SH3BP5: variants seen among roughly 807,000 people sequenced by gnomAD.
SH3BP5 encodes the protein SH3 domain-binding protein 5.
SH3BP5 carries 22 observed loss-of-function variants against 43.3 expected under a neutral mutation model. The ratio of observed to expected loss-of-function variants is 0.51; its 90% confidence interval spans 0.36 to 0.73. SH3BP5 has a LOEUF of 0.73. SH3BP5 is among the 30% of genes least tolerant of loss of function. SH3BP5 has a pLI of 0.00. For missense variants in SH3BP5, 529 were observed against 586.9 expected, an observed-to-expected ratio of 0.90 and a Z score of 1.02; for synonymous variants, 255 against 225.8, an observed-to-expected ratio of 1.13 and a Z score of -1.16.
chr3:15,259,555 A>G (rs1171002965), intron 6 of SH3BP5: 1 of 660,384 alleles, frequency 1.5e-6, no homozygotes, highest in Non-Finnish European at 2.7e-6. Context: ...AGTACAACAG[A>G]GAAGGTGACT....
intron 3 of SH3BP5, among the ~76,000 whole-genome samples, chr3:15,297,935 T>C (rs1012382029): frequency 1.3e-5 from 2 of 152,042 alleles, no homozygotes; most frequent in Non-Finnish European, 2.9e-5. Context: ...GTGGTTGGCT[T>C]CATAGCAAAA....
intron 3 of SH3BP5, among the ~76,000 whole-genome samples, chr3:15,286,841 G>A (rs552134839): frequency 6.6e-5 from 10 of 152,304 alleles, no homozygotes; most frequent in African/African-American, 1.2e-4. Flanking sequence ...CCACCATGCC[G>A]GGCTGCAAGC....
rs202191488 is a variant in SH3BP5 at position 15,318,780 on chromosome 3, C to G, written c.201+11724G>C. ...AGAGATAGGGTTTCGCCATGTTAGCCAAGCTGGTCCCAAATTCGTAGCCTC... is the reference window on the plus strand; with the variant it reads ...AGAGATAGGGTTTCGCCATGTTAGCGAAGCTGGTCCCAAATTCGTAGCCTC... On this transcript the variant is annotated intron_variant, in intron 2 of 8. Transcript: ENST00000383791. 3.3e-5 allele frequency among the ~76,000 whole-genome samples: 5 copies of G among 152,298 alleles called. No homozygotes were observed. In the East Asian group the frequency reaches 9.6e-4, roughly 29 times the overall value.
intron 3 of SH3BP5, among the ~76,000 whole-genome samples, chr3:15,284,995 T>A (rs191435068): frequency 6.6e-6 from 1 of 152,306 alleles, no homozygotes; most frequent in Admixed American, 6.5e-5. Context: ...CCTTTATGCA[T>A]AGTACATAGG....
rs1575330105 is a variant in SH3BP5 at position 15,304,180 on chromosome 3, C to G, written c.253G>C (p.Asp85His). The G allele has an allele frequency of 6.2e-7, 1 of 1,614,192 alleles. No individual in the cohort carries two copies. The highest frequency in any genetic ancestry group is 1.3e-5 in the African/African-American group (1 of 75,046). ...SVLVEATVKL[D>H]ELVKKIGKAV... ...TTGCCAATTTTCTTCACCAGTTCAT[C>G]CAGTTTCACCGTTGCTTCAACCAGA... Residue 85 changes from aspartate to histidine, a missense_variant, in exon 3 of 9, where the codon GAT (aspartate) becomes CAT (histidine). This residue lies in a region of SH3BP5 where 85 missense variants were observed against 140.8 expected (regional missense o/e 0.60). Transcript: ENST00000383791.
upstream of SH3BP5, among the ~76,000 whole-genome samples, chr3:15,335,826 C>T (rs1216474418): frequency 6.6e-6 from 1 of 152,156 alleles, no homozygotes; most frequent in East Asian, 1.9e-4. Flanking sequence ...GAGTGGCTAC[C>T]TCTGGGAAAA....
intron 6 of SH3BP5, chr3:15,259,297 C>G: frequency 3.5e-6 from 2 of 575,880 alleles, no homozygotes; most frequent in Non-Finnish European, 3.1e-6. Flanking sequence ...TGGAACAAAC[C>G]CCATCAGGGA....
At chr3:15,329,108 C>A (rs1487983107) in intron 2 of SH3BP5, among the ~76,000 whole-genome samples, 1 of 151,948 alleles carries the variant, frequency 6.6e-6, no homozygotes, top group Non-Finnish European at 1.5e-5. Context: ...AGACATCACA[C>A]CACTGCACCC....
Position 15,262,239 on chromosome 3 carries a change from C to T in SH3BP5, c.546G>A (p.Glu182=), listed in dbSNP as rs756319621. The change falls in exon 5 of 9, where the codon GAG becomes GAA. Residue 182 remains glutamate (E), a synonymous_variant. Coordinates refer to ENST00000383791, the MANE Select transcript of SH3BP5 (RefSeq NM_004844.5). ...TKTRSELVHK[E]TAARYNAAMG... Reference sequence around the variant, plus strand: ...TGGCGGCATTGTACCTGGCTGCCGTCTCCTTATGCACCAGCTCGCTCCTGG... The same window carrying T: ...TGGCGGCATTGTACCTGGCTGCCGTTTCCTTATGCACCAGCTCGCTCCTGG... The T allele has an allele frequency of 2.8e-5, 45 of 1,614,110 alleles. No individual in the cohort carries two copies. Among genetic ancestry groups the T allele is most frequent in the Non-Finnish European group, 3.7e-5 (44 of 1,180,044 alleles).
intron 3 of SH3BP5, among the ~76,000 whole-genome samples, chr3:15,280,848 C>T (rs914412664): frequency 2.0e-5 from 3 of 152,210 alleles, no homozygotes; most frequent in Admixed American, 1.3e-4. Context: ...CCACAAAACA[C>T]CAGCATCTCT....
intron 6 of SH3BP5, 101 bp downstream of exon 6, chr3:15,259,660 C>T: frequency 9.2e-7 from 1 of 1,090,120 alleles, no homozygotes; most frequent in South Asian, 1.2e-5. Context: ...TCCACTTTCC[C>T]CTTATAGCAA....
At chr3:15,337,037 C>A (rs1575363055), upstream of SH3BP5, among the ~76,000 whole-genome samples, 1 of 150,026 alleles carries the variant, frequency 6.7e-6, no homozygotes, top group Admixed American at 6.7e-5. Flanking sequence ...GAATTATAGG[C>A]GTGAGCCACC....
chr3:15,297,027 C>G (rs1249390437), intron 3 of SH3BP5, among the ~76,000 whole-genome samples: 1 of 152,076 alleles, frequency 6.6e-6, no homozygotes, highest in African/African-American at 2.4e-5. Context: ...AAAATCAATG[C>G]CTAGAATTTC....
At chr3:15,286,383 A>G (rs1196182289) in intron 3 of SH3BP5, among the ~76,000 whole-genome samples, 3 of 152,144 alleles carry the variant, frequency 2.0e-5, no homozygotes, top group African/African-American at 7.2e-5. Context: ...GGTCTGAGGA[A>G]CTCAGGGGCC....
intron 3 of SH3BP5, among the ~76,000 whole-genome samples, chr3:15,272,137 T>C (rs1454603379): frequency 2.0e-5 from 3 of 152,130 alleles, no homozygotes; most frequent in Non-Finnish European, 2.9e-5. Flanking sequence ...GAGGACGCTT[T>C]GTGAAGAAGG....
At chr3:15,280,860 A>G (rs1697108238) in intron 3 of SH3BP5, among the ~76,000 whole-genome samples, 1 of 152,098 alleles carries the variant, frequency 6.6e-6, no homozygotes, top group African/African-American at 2.4e-5. Context: ...AGCATCTCTT[A>G]AGACACACAC....
rs958360772 is a variant in SH3BP5 at position 15,255,688 on chromosome 3, GGA to G, written c.*396_*397del. The G allele has an allele frequency of 3.0e-4, 49 of 164,568 alleles. No homozygotes were observed. Among genetic ancestry groups the G allele is most frequent in the African/African-American group, 1.1e-3 (46 of 41,700 alleles). 10.2% of individuals were successfully genotyped at this position (164,568 alleles called of 1,614,324 possible). A position where few individuals can be genotyped will look rare whatever the true frequency, so the allele number is the denominator to read the frequency against. ...TCATTTAGATATCGTGGGATAAAGT[GGA>G]GAGGACATCTCCATTTTCCCATACA... is the stretch of plus-strand genomic sequence containing the variant. On this transcript the variant is annotated 3_prime_UTR_variant, in exon 9 of 9. Transcript: ENST00000383791.
rs201761367 is a variant in SH3BP5, at chr3:15,284,541, T to C, written c.331-14664A>G. 9.9e-5 allele frequency among the ~76,000 whole-genome samples: 15 copies of C among 152,254 alleles called. No individual in the cohort carries two copies. In the East Asian group the frequency reaches 2.5e-3, roughly 25 times the overall value. On this transcript the variant is annotated intron_variant, in intron 3 of 8. Transcript: ENST00000383791. The stretch of plus-strand genomic sequence containing the variant: ...ACATTCCTCGTGCCTCAGATGAAAA[T>C]ACTCAAAATAAATGATGGAGGGGAG...
At chr3:15,269,991 T>C in intron 3 of SH3BP5, 114 bp from the exon 4 acceptor site, 2 of 913,916 alleles carry the variant, frequency 2.2e-6, no homozygotes, top group Non-Finnish European at 3.2e-6. Flanking sequence ...CATCTCTGCC[T>C]CTTCACTCCT....
Sources: gnomAD v4.1 joint callset for allele counts (sites outside exome capture counted in the v4.1 genomes callset) on GRCh38, gnomAD v4.1.1 for gene constraint, gnomAD v4.1.1 regional missense constraint, MANE v1.5 for transcripts, NCBI Gene and HGNC (gene_info 2026-07-23, HGNC 2026-07-21) for gene names.